DYNLT5: variants seen among roughly 807,000 people sequenced by gnomAD.
DYNLT5 encodes dynein light chain Tctex-type family member 5.
In DYNLT5, 25 loss-of-function variants were observed where a neutral mutation model predicts 19.3. That is an observed-to-expected ratio of 1.30 (90% CI 0.95 to 1.81). The LOEUF (loss-of-function observed/expected upper bound fraction) is 1.81, where lower values mean the gene tolerates loss of function less well. Ranked by LOEUF, DYNLT5 falls within the 40% of genes most tolerant of loss-of-function variation. The probability of loss-of-function intolerance (pLI) is 0.00; values close to 1 mark genes in which losing one functional copy is unlikely to be tolerated. For synonymous variants in DYNLT5, 82 were observed against 68.9 expected, an observed-to-expected ratio of 1.19 and a Z score of -0.94; for missense variants, 232 against 217.9, an observed-to-expected ratio of 1.06 and a Z score of -0.41.
intron 2 of DYNLT5, among the ~76,000 whole-genome samples, chr1:66,768,931 G>A (rs938866238): frequency 6.6e-6 from 1 of 152,046 alleles, no homozygotes; most frequent in East Asian, 1.9e-4. Context: ...CTCTGAAATG[G>A]GTAGAATAAT....
intron 2 of DYNLT5, chr1:66,768,717 A>G (rs530538897): frequency 2.4e-4 from 36 of 152,356 alleles, no homozygotes; most frequent in African/African-American, 8.2e-4. Context: ...GGTGTTCAGT[A>G]GAAAAGAAAT....
chr1:66,764,585 G>T (rs1383770839), intron 2 of DYNLT5, among the ~76,000 whole-genome samples: 1 of 152,242 alleles, frequency 6.6e-6, no homozygotes, highest in African/African-American at 2.4e-5. Flanking sequence ...AAATAACACT[G>T]ATCATCGCTC....
intron 2 of DYNLT5, among the ~76,000 whole-genome samples, chr1:66,756,881 G>C (rs144702008): frequency 1.3e-5 from 2 of 152,132 alleles, no homozygotes; most frequent in Non-Finnish European, 2.9e-5. Context: ...CTTCCCCATG[G>C]GGTACCCCGA....
At chr1:66,756,349 A>C (rs1400532263) in intron 2 of DYNLT5, among the ~76,000 whole-genome samples, 3 of 152,132 alleles carry the variant, frequency 2.0e-5, no homozygotes, top group African/African-American at 7.2e-5. Flanking sequence ...AACTTGTATT[A>C]ATACTTGCTT....
intron 3 of DYNLT5, among the ~76,000 whole-genome samples, chr1:66,773,863 C>A (rs1196255515): frequency 6.6e-6 from 1 of 151,936 alleles, no homozygotes; most frequent in Non-Finnish European, 1.5e-5. Flanking sequence ...AGAAGAAAAG[C>A]TTTGCCATTC....
chr1:66,760,711 C>A (rs1222894652), intron 2 of DYNLT5, among the ~76,000 whole-genome samples: 1 of 152,190 alleles, frequency 6.6e-6, no homozygotes, highest in Non-Finnish European at 1.5e-5. Flanking sequence ...ATGGCACCTG[C>A]ACTACCAGCA....
At chr1:66,762,322 T>C (rs1016094740) in intron 2 of DYNLT5, among the ~76,000 whole-genome samples, 12 of 152,366 alleles carry the variant, frequency 7.9e-5, no homozygotes, top group Admixed American at 6.5e-5. Flanking sequence ...CAATGTCCTC[T>C]TTCTAGCTCT....
Position 66,777,251 on chromosome 1 carries a change from G to A in DYNLT5, c.337G>A (p.Val113Ile), listed in dbSNP as rs1645241779. The A allele has an allele frequency of 6.2e-7, 1 of 1,603,094 alleles. No homozygotes were observed. The highest frequency in any genetic ancestry group is 1.3e-5 in the African/African-American group (1 of 74,542). ...CRQMTKTISE[V>I]IKAQVKDLMI... is the part of the protein sequence containing the mutation. The stretch of plus-strand genomic sequence containing the variant: ...ACCCTCCCTTTTTTTAAATTTCTAG[G>A]TTATTAAAGCCCAGGTCAAGGACTT... Residue 113 changes from valine to isoleucine, a missense_variant and splice_region_variant, in exon 5 of 5, where the codon GTT becomes ATT. By Grantham distance (29) the Val-to-Ile change is conservative. Transcript: ENST00000282670.
intron 2 of DYNLT5, among the ~76,000 whole-genome samples, 180 bp from the exon 3 acceptor site, chr1:66,770,207 T>C (rs1466236404): frequency 6.6e-6 from 1 of 152,248 alleles, no homozygotes; most frequent in Non-Finnish European, 1.5e-5. Flanking sequence ...CTCTGCATCT[T>C]AATATTTCCA....
chr1:66,770,572 A>G, intron 3 of DYNLT5, 94 bp downstream of exon 3: 1 of 960,088 alleles, frequency 1.0e-6, no homozygotes, highest in Non-Finnish European at 1.7e-6. Context: ...ATTGTCTTCA[A>G]TTCTAGCACA....
chr1:66,770,527 CT>C lies in DYNLT5; in HGVS notation c.211+50del, dbSNP rs756436818. ...CTATTTTAAACTTCTAAATTGGTGA[CT>C]GATTCTCTTAAAAATGATATTTGAT... On this transcript the variant is annotated intron_variant, in intron 3 of 4. Transcript: ENST00000282670. The C allele has an allele frequency of 8.3e-6, 11 of 1,330,512 alleles. No individual in the cohort carries two copies. The Admixed American group carries it at 1.8e-4, about 22-fold the overall frequency. 82.4% of individuals were successfully genotyped at this position (1,330,512 alleles called of 1,614,324 possible). A position where few individuals can be genotyped will look rare whatever the true frequency, so the allele number is the denominator to read the frequency against.
chr1:66,772,633 A>G (rs1459912044), intron 3 of DYNLT5, among the ~76,000 whole-genome samples: 1 of 152,258 alleles, frequency 6.6e-6, no homozygotes, highest in Non-Finnish European at 1.5e-5. Context: ...AATCACCAGC[A>G]CTATTATGTT....
chr1:66,754,867 T>TA, intron 2 of DYNLT5, 90 bp downstream of exon 2: 1 of 1,332,992 alleles, frequency 7.5e-7, no homozygotes, highest in Non-Finnish European at 9.8e-7. Context: ...CTCGGGGACA[T>TA]AAAAAGAGAT....
chr1:66,777,320 C>A lies in DYNLT5; in HGVS notation c.406C>A (p.Gln136Lys). The A allele has an allele frequency of 6.2e-7, 1 of 1,613,848 alleles. No individual in the cohort carries two copies. Among genetic ancestry groups the A allele is most frequent in the Non-Finnish European group, 8.5e-7 (1 of 1,179,886 alleles). Reference sequence around the variant, plus strand: ...ACTAATTGTGATTGTTCACATTGGACAACTGAACAGGCAGAGCATACTTAT... The same window carrying A: ...ACTAATTGTGATTGTTCACATTGGAAAACTGAACAGGCAGAGCATACTTAT... ...YKLIVIVHIG[Q>K]LNRQSILIGS... Residue 136 changes from glutamine to lysine, a missense_variant, in exon 5 of 5, where the codon CAA becomes AAA. Gln to Lys is a moderately conservative substitution (Grantham distance 53, BLOSUM62 1). Coordinates refer to ENST00000282670, the MANE Select transcript of DYNLT5 (RefSeq NM_152665.3).
chr1:66,765,831 G>A (rs796436183), intron 2 of DYNLT5, among the ~76,000 whole-genome samples: 4 of 152,128 alleles, frequency 2.6e-5, no homozygotes, highest in African/African-American at 9.6e-5. Flanking sequence ...TAATCAGAAT[G>A]CATACTATTG....
intron 3 of DYNLT5, among the ~76,000 whole-genome samples, chr1:66,771,727 G>A (rs1421049841): frequency 2.0e-5 from 3 of 152,138 alleles, no homozygotes; most frequent in African/African-American, 7.2e-5. Flanking sequence ...GCAACTAAAA[G>A]TTCTTAGCCA....
chr1:66,765,737 GC>G (rs2094653859), intron 2 of DYNLT5, among the ~76,000 whole-genome samples: 2 of 151,312 alleles, frequency 1.3e-5, no homozygotes, highest in South Asian at 4.2e-4. Context: ...CCAGGTTCAA[GC>G]AATTCTCCGG....
intron 2 of DYNLT5, 138 bp downstream of exon 2, chr1:66,754,915 G>T (rs930222270): frequency 5.0e-6 from 4 of 796,364 alleles, no homozygotes; most frequent in Non-Finnish European, 7.0e-6. Context: ...ATCTTTAGGG[G>T]CCATATTTAA....
chr1:66,778,335 T>C lies in DYNLT5; in HGVS notation c.*881T>C, dbSNP rs937112476. 6.5e-6 allele frequency: 1 copy of C among 152,676 alleles called. No homozygotes were observed. Among genetic ancestry groups the C allele is most frequent in the Admixed American group, 6.5e-5 (1 of 15,284 alleles). The allele number at this position is 152,676 out of a possible 1,614,324, so 9.5% of individuals were successfully genotyped here. On this transcript the variant is annotated 3_prime_UTR_variant, in exon 5 of 5. Coordinates refer to ENST00000282670, the MANE Select transcript of DYNLT5 (RefSeq NM_152665.3). ...GCATGTGTAGTTACCATTTTACTCC[T>C]ATGAATTTAATACTAAAGTGACCCA...
Sources: gnomAD v4.1 joint callset for allele counts (sites outside exome capture counted in the v4.1 genomes callset) on GRCh38, gnomAD v4.1.1 for gene constraint, MANE v1.5 for transcripts, NCBI Gene and HGNC (gene_info 2026-07-23, HGNC 2026-07-21) for gene names.